SESN3: variants seen among roughly 807,000 people sequenced by gnomAD.
The protein encoded by SESN3 is sestrin-3.
SESN3 carries 21 observed loss-of-function variants against 55.3 expected under a neutral mutation model. The observed-to-expected ratio is 0.38, with a 90% CI of 0.27 to 0.55. The LOEUF (loss-of-function observed/expected upper bound fraction) is 0.55. SESN3 is among the 20% of genes least tolerant of loss of function. The pLI is 0.76. For missense variants in SESN3, 408 were observed against 604.3 expected, an observed-to-expected ratio of 0.68 and a Z score of 3.41; for synonymous variants, 181 against 203.1, an observed-to-expected ratio of 0.89 and a Z score of 0.93.
At chr11:95,200,581 A>T (rs897155312) in intron 1 of SESN3, among the ~76,000 whole-genome samples, 1 of 152,052 alleles carries the variant, frequency 6.6e-6, no homozygotes, top group East Asian at 1.9e-4. Context: ...AGCAGATATT[A>T]CAGGGGTGTC....
Position 95,172,021 on chromosome 11 carries a change from TC to T in SESN3, c.*1233del, listed in dbSNP as rs1859858346. On this transcript the variant is annotated 3_prime_UTR_variant, in exon 10 of 10. Coordinates refer to ENST00000536441, the MANE Select transcript of SESN3 (RefSeq NM_144665.4). Reference sequence around the variant, plus strand: ...GCATTATGAAAGGAACATTGTTCAATCCCAGAAAGGTAAAACTGAAAAAAGC... The same window carrying T: ...GCATTATGAAAGGAACATTGTTCAATCCAGAAAGGTAAAACTGAAAAAAGC... 6.6e-6 allele frequency: 1 copy of T among 152,022 alleles called. No homozygotes were observed. The highest frequency in any genetic ancestry group is 1.5e-5 in the Non-Finnish European group (1 of 67,984). The allele number at this position is 152,022 out of a possible 1,614,324, so 9.4% of individuals were successfully genotyped here.
rs867261354 is a variant in SESN3 at position 95,165,991 on chromosome 11, C to G, written c.*7264G>C. ...TGGAGGGCATTAAGAGTTGAAAAGGCTTATATGGTTAACTACCTTAGACTA... is the reference window on the plus strand; with the variant it reads ...TGGAGGGCATTAAGAGTTGAAAAGGGTTATATGGTTAACTACCTTAGACTA... On this transcript the variant is annotated 3_prime_UTR_variant, in exon 10 of 10. Coordinates refer to ENST00000536441, the MANE Select transcript of SESN3 (RefSeq NM_144665.4). The G allele has an allele frequency of 1.3e-5, 2 of 152,154 alleles. No homozygotes were observed. The highest frequency in any genetic ancestry group is 2.9e-5 in the Non-Finnish European group (2 of 68,018). The allele number at this position is 152,154 out of a possible 1,614,324, so 9.4% of individuals were successfully genotyped here.
intron 6 of SESN3, among the ~76,000 whole-genome samples, chr11:95,181,612 G>A (rs1180780097): frequency 1.3e-5 from 2 of 151,966 alleles, no homozygotes; most frequent in African/African-American, 2.4e-5. Context: ...AATGGAATGC[G>A]TAACTGAAAA....
At position 95,230,770 on chromosome 11, in the gene SESN3, G is replaced by A. The variant is rs143804225; in HGVS notation, c.78+13C>T. On this transcript the variant is annotated intron_variant, in intron 1 of 9. Transcript: ENST00000536441. The surrounding 1 kb of genome is among the most constrained non-coding windows in gnomAD (Gnocchi z 4.6). ...GCGACCCTCGCCGGCAGGACCCCGG[G>A]CCGAACCCGTACCTTCCGCAGCACT... 6.3e-7 allele frequency: 1 copy of A among 1,598,726 alleles called. No individual in the cohort carries two copies.
At chr11:95,218,188 T>G (rs936458883) in intron 1 of SESN3, among the ~76,000 whole-genome samples, 4 of 152,230 alleles carry the variant, frequency 2.6e-5, no homozygotes, top group Non-Finnish European at 5.9e-5. Context: ...GCTTTACAAT[T>G]ACTTACTATA....
At chr11:95,213,089 T>C (rs934534139) in intron 1 of SESN3, among the ~76,000 whole-genome samples, 1 of 152,150 alleles carries the variant, frequency 6.6e-6, no homozygotes, top group Non-Finnish European at 1.5e-5. Flanking sequence ...ACTGTTAATT[T>C]TGGATTCCTT....
intron 1 of SESN3, among the ~76,000 whole-genome samples, chr11:95,214,476 T>C (rs1021886948): frequency 2.0e-5 from 3 of 152,192 alleles, no homozygotes; most frequent in African/African-American, 4.8e-5. Flanking sequence ...TATTTACCTA[T>C]GGTCCATATA....
In SESN3 at chr11:95,173,109, C is replaced by T. The variant is rs1385541213; in HGVS notation, c.*146G>A. 7 of 485,724 alleles carry T rather than the reference C, an allele frequency of 1.4e-5. No homozygotes were observed. The highest frequency in any genetic ancestry group is 4.0e-5 in the South Asian group (1 of 25,016). The allele number at this position is 485,724 out of a possible 1,614,324, so 30.1% of individuals were successfully genotyped here. Reference sequence around the variant, plus strand: ...AAAACACATCATTGCACATTACAGCCGCAAAAAACAAAAAAAAAAAAACAA... The same window carrying T: ...AAAACACATCATTGCACATTACAGCTGCAAAAAACAAAAAAAAAAAAACAA... On this transcript the variant is annotated 3_prime_UTR_variant, in exon 10 of 10. Transcript: ENST00000536441.
chr11:95,231,981 T>C (rs1205528365), upstream of SESN3: 1 of 152,196 alleles, frequency 6.6e-6, no homozygotes, highest in African/African-American at 2.4e-5. Context: ...CTAGCAGTTA[T>C]CTTAGAGATG....
At chr11:95,210,644 ACAG>A (rs1860637299) in intron 1 of SESN3, among the ~76,000 whole-genome samples, 1 of 152,248 alleles carries the variant, frequency 6.6e-6, no homozygotes, top group Non-Finnish European at 1.5e-5. Flanking sequence ...ATTAAGTGTT[ACAG>A]CAGAACTGTG....
At chr11:95,205,774 T>G (rs1435879217) in intron 1 of SESN3, among the ~76,000 whole-genome samples, 2 of 151,430 alleles carry the variant, frequency 1.3e-5, no homozygotes, top group Non-Finnish European at 3.0e-5. Flanking sequence ...ACTCTAATAT[T>G]TAATAACAAC....
rs189757692 is a variant in SESN3, at chr11:95,184,514, C to G, written c.843G>C (p.Ala281=). 9.3e-6 allele frequency: 15 copies of G among 1,613,462 alleles called. No individual in the cohort carries two copies. The East Asian group carries it at 2.9e-4, about 31-fold the overall frequency. The stretch of plus-strand genomic sequence containing the variant: ...AACGAGTGCTCATTTCTTCTTGAGA[C>G]GCCTCTTCATCTTCCCTTTCTTCTT... ...RLQEEREDEE[A]SQEEMSTRFE... Residue 281 remains alanine (A), a synonymous_variant, in exon 6 of 10, where the codon GCG becomes GCC. Transcript: ENST00000536441.
At chr11:95,194,056 A>C (rs868673007) in intron 1 of SESN3, among the ~76,000 whole-genome samples, 1 of 152,220 alleles carries the variant, frequency 6.6e-6, no homozygotes, top group African/African-American at 2.4e-5. Context: ...AATGGGGAAC[A>C]TAGTAATTCT....
chr11:95,190,807 C>G (rs190544592), intron 3 of SESN3, among the ~76,000 whole-genome samples: 6 of 152,146 alleles, frequency 3.9e-5, no homozygotes, highest in Non-Finnish European at 1.5e-5. Context: ...ATATATAGCA[C>G]TTTCATTATG....
At chr11:95,194,027 A>C (rs1860315416) in intron 1 of SESN3, among the ~76,000 whole-genome samples, 1 of 152,058 alleles carries the variant, frequency 6.6e-6, no homozygotes, top group South Asian at 2.1e-4. Context: ...AGAGAAGGAG[A>C]GGTTAGTTCA....
At chr11:95,222,515 A>T (rs968335306) in intron 1 of SESN3, among the ~76,000 whole-genome samples, 3 of 152,240 alleles carry the variant, frequency 2.0e-5, no homozygotes, top group African/African-American at 4.8e-5. Context: ...TATTGTATCT[A>T]ATATAAATAT....
chr11:95,209,833 A>G (rs1338819595), intron 1 of SESN3, among the ~76,000 whole-genome samples: 1 of 150,612 alleles, frequency 6.6e-6, no homozygotes, highest in Non-Finnish European at 1.5e-5. Flanking sequence ...CCTGGCTAAC[A>G]TGGCGAAACC....
At position 95,171,183 on chromosome 11, in the gene SESN3, G is replaced by T. The variant is rs975970543; in HGVS notation, c.*2072C>A. 2 of 152,102 alleles carry T rather than the reference G, an allele frequency of 1.3e-5. No individual in the cohort carries two copies. Among genetic ancestry groups the T allele is most frequent in the African/African-American group, 4.8e-5 (2 of 41,432 alleles). The allele number at this position is 152,102 out of a possible 1,614,324, so 9.4% of individuals were successfully genotyped here. On this transcript the variant is annotated 3_prime_UTR_variant, in exon 10 of 10. Coordinates refer to ENST00000536441, the MANE Select transcript of SESN3 (RefSeq NM_144665.4). ...CTCAACTTGAAAGTTGTGAAGTTAG[G>T]TAAGTCAAATGGACATTTATGTTGC...
chr11:95,223,334 T>C (rs1860892864), intron 1 of SESN3, among the ~76,000 whole-genome samples: 1 of 152,194 alleles, frequency 6.6e-6, no homozygotes, highest in African/African-American at 2.4e-5. Context: ...CCCACACTTC[T>C]CAGCTTTCAA....
Sources: gnomAD v4.1 joint callset for allele counts (sites outside exome capture counted in the v4.1 genomes callset) on GRCh38, gnomAD v4.1.1 for gene constraint, Gnocchi (gnomAD v3.1) non-coding constraint, MANE v1.5 for transcripts, NCBI Gene and HGNC (gene_info 2026-07-23, HGNC 2026-07-21) for gene names.